ZNF225: variants seen among roughly 807,000 people sequenced by gnomAD.
The protein encoded by ZNF225 is zinc finger protein 225.
Under a neutral mutation model 12.0 loss-of-function variants are expected in ZNF225, and 6 were observed. That is an observed-to-expected ratio of 0.50 (90% confidence interval 0.27 to 0.98). ZNF225 has a LOEUF of 0.98. Ranked by LOEUF, ZNF225 falls within the 50% of genes least tolerant of loss-of-function variation. ZNF225 has a pLI of 0.11. For synonymous variants in ZNF225, 271 were observed against 283.2 expected (o/e 0.96, Z 0.43); for missense variants, 763 against 848.2 (o/e 0.90, Z 1.25).
chr19:44,132,496 A>G lies in ZNF225; in HGVS notation c.1882A>G (p.Lys628Glu), dbSNP rs1198961400. 6.2e-7 allele frequency: 1 copy of G among 1,613,974 alleles called. No individual in the cohort carries two copies. Residue 628 changes from lysine to glutamate, a missense_variant, in exon 5 of 5, where the codon AAG becomes GAG. By Grantham distance (56) the Lys-to-Glu change is moderately conservative. Coordinates refer to ENST00000262894, the MANE Select transcript of ZNF225 (RefSeq NM_013362.4). ...TGGGGAAAAGCCATACAAATGTGAG[A>G]AGTGTGGAAAGAGCTTCAGATGGGC... ...HTGEKPYKCEKCGKSFRWAST... is the reference protein window; with the variant it reads ...HTGEKPYKCEECGKSFRWAST...
At chr19:44,117,800 C>G (rs1399936831) in intron 2 of ZNF225, among the ~76,000 whole-genome samples, 3 of 152,144 alleles carry the variant, frequency 2.0e-5, no homozygotes, top group Non-Finnish European at 4.4e-5. Flanking sequence ...AGGCGGATCA[C>G]CTGAGGTCAG....
At position 44,131,483 on chromosome 19, in the gene ZNF225, G is replaced by A. The variant is rs774712774; in HGVS notation, c.869G>A (p.Cys290Tyr). ...RIHTGEKPFK[C>Y]DICCKSFRSR... is the part of the protein sequence containing the mutation. Reference sequence around the variant, plus strand: ...CATACTGGGGAGAAGCCATTCAAATGTGATATATGTTGTAAGAGCTTCCGT... The same window carrying A: ...CATACTGGGGAGAAGCCATTCAAATATGATATATGTTGTAAGAGCTTCCGT... Residue 290 changes from cysteine (C) to tyrosine (Y), a missense_variant, in exon 5 of 5, where the codon TGT becomes TAT. Cys to Tyr is a radical substitution (Grantham distance 194). Coordinates refer to ENST00000262894, the MANE Select transcript of ZNF225 (RefSeq NM_013362.4). The A allele has an allele frequency of 2.5e-5, 41 of 1,614,070 alleles. No individual in the cohort carries two copies. The highest frequency in any genetic ancestry group is 3.3e-5 in the Admixed American group (2 of 60,002).
rs1216752375 is a variant in ZNF225, at chr19:44,115,813, G to A, written c.-15G>A. 1 of 1,612,766 alleles carries A rather than the reference G, an allele frequency of 6.2e-7. No homozygotes were observed. The highest frequency in any genetic ancestry group is 2.2e-5 in the East Asian group (1 of 44,842). On this transcript the variant is annotated 5_prime_UTR_variant, in exon 2 of 5. Transcript: ENST00000262894. Reference sequence around the variant, plus strand: ...TCACTCAGGACTCTGAATATTCCCTGAAATAGGAGGAAAAATGACCACGTT... The same window carrying A: ...TCACTCAGGACTCTGAATATTCCCTAAAATAGGAGGAAAAATGACCACGTT...
chr19:44,128,862 G>GTA, intron 4 of ZNF225: 3 of 397,614 alleles, frequency 7.5e-6, no homozygotes, highest in Non-Finnish European at 1.3e-5. Context: ...TTGAAAATGG[G>GTA]TATAAAGGTC....
intron 3 of ZNF225, 47 bp downstream of exon 3, chr19:44,118,361 C>CTT (rs1209084375): frequency 6.2e-7 from 1 of 1,609,450 alleles, no homozygotes; most frequent in East Asian, 2.2e-5. Context: ...CCAGGAGTGG[C>CTT]TTTGTATCCT....
chr19:44,120,937 C>T (rs1346393197), intron 4 of ZNF225, among the ~76,000 whole-genome samples: 1 of 152,094 alleles, frequency 6.6e-6, no homozygotes, highest in Admixed American at 6.5e-5. Context: ...CGCTCTGTTG[C>T]CCAGGCTGGA....
rs758311080 is a variant in ZNF225 at position 44,131,995 on chromosome 19, T to C, written c.1381T>C (p.Cys461Arg). Reference protein sequence around the residue: ...RGEKPYNCKECGKSFGWASCL... With the variant: ...RGEKPYNCKERGKSFGWASCL... The stretch of plus-strand genomic sequence containing the variant: ...AGAGAAACCCTATAATTGTAAGGAA[T>C]GTGGGAAGAGCTTTGGCTGGGCCTC... The change falls in exon 5 of 5, where the codon TGT (cysteine) becomes CGT (arginine). Residue 461 changes from cysteine (C) to arginine (R), a missense_variant. Physicochemically the swap from Cys to Arg is radical, Grantham distance 180. Transcript: ENST00000262894. 1 of 1,613,866 alleles carries C rather than the reference T, an allele frequency of 6.2e-7. No individual in the cohort carries two copies. The highest frequency in any genetic ancestry group is 8.5e-7 in the Non-Finnish European group (1 of 1,179,962).
Position 44,131,979 on chromosome 19 carries a change from C to G in ZNF225, c.1365C>G (p.Pro455=), listed in dbSNP as rs992777218. The change falls in exon 5 of 5, where the codon CCC becomes CCG. Residue 455 remains proline, a synonymous_variant. Coordinates refer to ENST00000262894, the MANE Select transcript of ZNF225 (RefSeq NM_013362.4). ...FHQRVHRGEK[P]YNCKECGKSF... ...AGAGGGTCCACAGAGGAGAGAAACC[C>G]TATAATTGTAAGGAATGTGGGAAGA... 1 of 1,610,356 alleles carries G rather than the reference C, an allele frequency of 6.2e-7. No individual in the cohort carries two copies. Among genetic ancestry groups the G allele is most frequent in the Non-Finnish European group, 8.5e-7 (1 of 1,178,910 alleles).
intron 4 of ZNF225, 62 bp from the exon 5 acceptor site, chr19:44,130,788 A>G: frequency 6.8e-7 from 1 of 1,471,700 alleles, no homozygotes; most frequent in Non-Finnish European, 9.2e-7. Flanking sequence ...TAAGTATGAA[A>G]TCTTGATAAC....
At chr19:44,112,166 CA>C (rs765993643), upstream of ZNF225, 12 of 152,150 alleles carry the variant, frequency 7.9e-5, no homozygotes, top group Admixed American at 6.6e-5. Flanking sequence ...CTGGTCGCCC[CA>C]CCCTAATCTT....
chr19:44,131,175 T>C lies in ZNF225; in HGVS notation c.561T>C (p.Tyr187=), dbSNP rs770017190. The C allele has an allele frequency of 1.2e-6, 2 of 1,614,204 alleles. No individual in the cohort carries two copies. The highest frequency in any genetic ancestry group is 1.7e-6 in the Non-Finnish European group (2 of 1,180,036). ...TCDECGKSFC[Y]SSALRIHQRV... ...ATGAATGTGGAAAGAGTTTCTGTTATAGCTCAGCTCTTCGTATTCATCAGA... is the reference window on the plus strand; with the variant it reads ...ATGAATGTGGAAAGAGTTTCTGTTACAGCTCAGCTCTTCGTATTCATCAGA... The change falls in exon 5 of 5, where the codon TAT becomes TAC. Residue 187 remains tyrosine, a synonymous_variant. Transcript: ENST00000262894.
Position 44,132,267 on chromosome 19 carries a change from T to A in ZNF225, c.1653T>A (p.Ser551Arg), listed in dbSNP as rs371157316. The change falls in exon 5 of 5, where the codon AGT becomes AGA. Residue 551 changes from serine to arginine, a missense_variant. By Grantham distance (110) the Ser-to-Arg change is moderately radical. Transcript: ENST00000262894. ...KCEECGKGFN[S>R]KFNLDMHQRV... ...AAGAGTGTGGGAAGGGCTTCAACAGTAAGTTTAATCTTGACATGCACCAGA... is the reference window on the plus strand; with the variant it reads ...AAGAGTGTGGGAAGGGCTTCAACAGAAAGTTTAATCTTGACATGCACCAGA... The A allele has an allele frequency of 5.5e-5, 88 of 1,610,726 alleles. No homozygotes were observed. The highest frequency in any genetic ancestry group is 7.3e-5 in the Non-Finnish European group (86 of 1,179,268).
rs369646030 is a variant in ZNF225, at chr19:44,119,105, C to T, written c.235+531C>T. 1.7e-4 allele frequency among the ~76,000 whole-genome samples: 26 copies of T among 152,284 alleles called. No homozygotes were observed. In the East Asian group the frequency reaches 3.9e-3, roughly 23 times the overall value. Reference sequence around the variant, plus strand: ...TGCTGGGATTACAGGCGTGAGCCACCGCGCCCGGCTGGCTTCTTATGTTTA... The same window carrying T: ...TGCTGGGATTACAGGCGTGAGCCACTGCGCCCGGCTGGCTTCTTATGTTTA... On this transcript the variant is annotated intron_variant, in intron 4 of 4. Transcript: ENST00000262894.
chr19:44,113,988 C>T (rs1262327682), intron 1 of ZNF225: 2 of 290,650 alleles, frequency 6.9e-6, no homozygotes, highest in African/African-American at 4.5e-5. Context: ...GGCACCGGCC[C>T]TTCTCCCTGA....
intron 4 of ZNF225, chr19:44,128,480 T>C (rs1968190273): frequency 6.6e-6 from 1 of 152,216 alleles, no homozygotes; most frequent in Non-Finnish European, 1.5e-5. Context: ...GATGTTTTAA[T>C]TATATCCATG....
intron 4 of ZNF225, among the ~76,000 whole-genome samples, chr19:44,127,134 C>T (rs1301930410): frequency 6.6e-6 from 1 of 152,262 alleles, no homozygotes; most frequent in African/African-American, 2.4e-5. Flanking sequence ...CCCCCTGCTC[C>T]TCTGGCTGCC....
chr19:44,124,707 G>A (rs1176080694), intron 4 of ZNF225, among the ~76,000 whole-genome samples: 9 of 152,104 alleles, frequency 5.9e-5, no homozygotes, highest in Non-Finnish European at 1.0e-4. Flanking sequence ...AGTGTTAGGT[G>A]CATATATGTT....
Position 44,131,356 on chromosome 19 carries a change from T to C in ZNF225, c.742T>C (p.Tyr248His), listed in dbSNP as rs776014399. 2 of 1,614,188 alleles carry C rather than the reference T, an allele frequency of 1.2e-6. No individual in the cohort carries two copies. The highest frequency in any genetic ancestry group is 1.7e-6 in the Non-Finnish European group (2 of 1,180,034). ...AGGCTTTAGTCGTAGATCAGGACTT[T>C]ATGTTCATCGTAAATTACACACAGG... Reference protein sequence around the residue: ...GKGFSRRSGLYVHRKLHTGVK... With the variant: ...GKGFSRRSGLHVHRKLHTGVK... The change falls in exon 5 of 5, where the codon TAT becomes CAT. Residue 248 changes from tyrosine to histidine, a missense_variant. Coordinates refer to ENST00000262894, the MANE Select transcript of ZNF225 (RefSeq NM_013362.4).
chr19:44,112,244 CAA>C, upstream of ZNF225: 1 of 152,212 alleles, frequency 6.6e-6, no homozygotes, highest in African/African-American at 2.4e-5. Flanking sequence ...ACGTGGCTGA[CAA>C]AGAGAAGGGA....
Sources: gnomAD v4.1 joint callset for allele counts (sites outside exome capture counted in the v4.1 genomes callset) on GRCh38, gnomAD v4.1.1 for gene constraint, MANE v1.5 for transcripts, NCBI Gene and HGNC (gene_info 2026-07-23, HGNC 2026-07-21) for gene names.